The following IL31RA variants were observed in gnomAD, a reference collection of about 807,000 sequenced individuals.
IL31RA encodes interleukin-31 receptor subunit alpha.
Under a neutral mutation model 83.7 loss-of-function variants are expected in IL31RA, and 66 were observed. That is an observed-to-expected ratio of 0.79 (90% CI 0.65 to 0.97). The LOEUF is 0.97. Among genes scored for constraint, IL31RA ranks in the 50% least tolerant of loss-of-function variants. The pLI, the probability that IL31RA is intolerant of heterozygous loss-of-function variation, is 0.00. For synonymous variants in IL31RA, 325 were observed against 329.0 expected (o/e 0.99, Z 0.13); for missense variants, 798 against 919.4 (o/e 0.87, Z 1.71).
At chr5:55,854,506 A>G (rs1227635231) in intron 1 of IL31RA, among the ~76,000 whole-genome samples, 1 of 152,178 alleles carries the variant, frequency 6.6e-6, no homozygotes, top group East Asian at 1.9e-4. Context: ...CCACTTTGGG[A>G]GGTCGAGGCA....
At chr5:55,853,383 G>A in intron 1 of IL31RA, 1 of 1,374,716 alleles carries the variant, frequency 7.3e-7, no homozygotes, top group Admixed American at 2.9e-5. Flanking sequence ...ACTTGGGCTG[G>A]GCTTAAAAGC....
chr5:55,882,854 TG>T (rs1393969966), intron 4 of IL31RA, among the ~76,000 whole-genome samples, 189 bp from the exon 5 acceptor site: 1 of 152,124 alleles, frequency 6.6e-6, no homozygotes, highest in Non-Finnish European at 1.5e-5. Context: ...CTTCTCTCAC[TG>T]GGTATTCCTT....
chr5:55,908,709 C>A (rs896476740), intron 11 of IL31RA: 22 of 1,459,022 alleles, frequency 1.5e-5, no homozygotes, highest in Admixed American at 1.3e-4. Flanking sequence ...CCCCGACCAT[C>A]ATTCCCAGGA....
At chr5:55,847,583 C>T (rs895663422), upstream of IL31RA, among the ~76,000 whole-genome samples, 2 of 151,936 alleles carry the variant, frequency 1.3e-5, no homozygotes, top group African/African-American at 4.8e-5. Context: ...CTCTGTCCCC[C>T]GCCAAAAAAA....
At chr5:55,897,613 T>C (rs1465793588) in intron 7 of IL31RA, among the ~76,000 whole-genome samples, 1 of 152,060 alleles carries the variant, frequency 6.6e-6, no homozygotes, top group African/African-American at 2.4e-5. Context: ...ACATGGTCCT[T>C]CCTAGGGCGG....
chr5:55,862,236 T>G lies in IL31RA; in HGVS notation c.154+2637T>G, dbSNP rs1353871307. Among the ~76,000 whole-genome samples the G allele has an allele frequency of 2.0e-5, 3 of 152,362 alleles. No homozygotes were observed. The South Asian group carries it at 6.2e-4, about 32-fold the overall frequency. On this transcript the variant is annotated intron_variant, in intron 2 of 14. Coordinates refer to ENST00000652347, the MANE Select transcript of IL31RA (RefSeq NM_139017.7). ...TTATAGAAAAACTGTGAAAATAGCA[T>G]AGAGAGTTCCTTTCTACCCTCATCC...
intron 3 of IL31RA, among the ~76,000 whole-genome samples, chr5:55,871,101 T>C (rs1283499833): frequency 6.6e-6 from 1 of 152,244 alleles, no homozygotes; most frequent in Non-Finnish European, 1.5e-5. Context: ...TATTACTGTC[T>C]TCATTTTACA....
intron 4 of IL31RA, among the ~76,000 whole-genome samples, chr5:55,876,343 T>C (rs978521594): frequency 2.6e-5 from 4 of 152,106 alleles, no homozygotes; most frequent in Non-Finnish European, 5.9e-5. Context: ...GAAGCAGAGG[T>C]TGCAGTGAGC....
Position 55,922,062 on chromosome 5 carries a change from G to C in IL31RA, c.*4942G>C. ...GCACTCTTATGTTGTGGCGGGGGGG[G>C]GGGGCGGTTCCTGAAGAGTGGAGTG... is the stretch of plus-strand genomic sequence containing the variant. On this transcript the variant is annotated 3_prime_UTR_variant, in exon 15 of 15. Coordinates refer to ENST00000652347, the MANE Select transcript of IL31RA (RefSeq NM_139017.7). 6.7e-6 allele frequency among the ~76,000 whole-genome samples: 1 copy of C among 148,270 alleles called. No individual in the cohort carries two copies. Among genetic ancestry groups the C allele is most frequent in the Non-Finnish European group, 1.5e-5 (1 of 66,910 alleles).
intron 5 of IL31RA, among the ~76,000 whole-genome samples, chr5:55,888,556 A>G (rs1020375852): frequency 3.9e-5 from 6 of 152,248 alleles, no homozygotes; most frequent in Middle Eastern, 3.2e-3. Context: ...CATGACAAGT[A>G]AAATAGAGGT....
the IL31RA span, among the ~76,000 whole-genome samples, chr5:55,841,137 CTT>C: frequency 3.3e-5 from 5 of 152,206 alleles, no homozygotes; most frequent in Non-Finnish European, 7.3e-5. Context: ...GACACTCTGT[CTT>C]TATCATTCTC....
At chr5:55,847,260 T>G (rs1319048293), upstream of IL31RA, among the ~76,000 whole-genome samples, 1 of 132,382 alleles carries the variant, frequency 7.6e-6, no homozygotes, top group African/African-American at 2.8e-5. Context: ...AATAAATAAA[T>G]AAATAAATAA....
chr5:55,853,574 G>T, intron 1 of IL31RA: 1 of 1,550,010 alleles, frequency 6.5e-7, no homozygotes, highest in Non-Finnish European at 8.7e-7. Flanking sequence ...GAAGGTGAGT[G>T]CTAATTCATT....
At chr5:55,846,854 A>G (rs576424334), upstream of IL31RA, among the ~76,000 whole-genome samples, 74 of 152,316 alleles carry the variant, frequency 4.9e-4, no homozygotes, top group Non-Finnish European at 9.0e-4. Context: ...CACTAATACC[A>G]GTACTCTGGG....
the IL31RA span, chr5:55,839,980 G>A: frequency 3.3e-6 from 2 of 603,614 alleles, no homozygotes; most frequent in South Asian, 3.5e-5. Context: ...GGCAAGCCGT[G>A]GACCTTCAAC....
chr5:55,887,052 A>G (rs1279831930), intron 5 of IL31RA, among the ~76,000 whole-genome samples: 1 of 152,234 alleles, frequency 6.6e-6, no homozygotes, highest in Non-Finnish European at 1.5e-5. Context: ...CTCAATAAAT[A>G]TTTGTTTAAA....
chr5:55,883,134 C>T lies in IL31RA; in HGVS notation c.545C>T (p.Ala182Val), dbSNP rs780594680. The T allele has an allele frequency of 1.7e-5, 28 of 1,613,792 alleles. No individual in the cohort carries two copies. The highest frequency in any genetic ancestry group is 1.6e-4 in the Middle Eastern group (1 of 6,084). Residue 182 changes from alanine (A) to valine (V), a missense_variant, in exon 5 of 15, where the codon GCG becomes GTG. Ala to Val is a moderately conservative substitution (Grantham distance 64). Coordinates refer to ENST00000652347, the MANE Select transcript of IL31RA (RefSeq NM_139017.7). ...IQIEWIKPEL[A>V]PVSSDLKYTL... ...ATTGAATGGATAAAGCCTGAGTTGG[C>T]GCCTGTTTCATCTGATTTAAAATAC...
chr5:55,892,985 G>A (rs1748102425), intron 6 of IL31RA, among the ~76,000 whole-genome samples: 1 of 152,130 alleles, frequency 6.6e-6, no homozygotes, highest in Admixed American at 6.5e-5. Context: ...AATTTATAAA[G>A]CGTGTGTTTT....
In IL31RA at chr5:55,896,213, C is replaced by G. The variant is rs551857079; in HGVS notation, c.773-137C>G. 2.0e-5 allele frequency: 14 copies of G among 717,168 alleles called. No homozygotes were observed. The Admixed American group carries it at 2.0e-4, about 10-fold the overall frequency. 44.4% of individuals were successfully genotyped at this position (717,168 alleles called of 1,614,324 possible). On this transcript the variant is annotated intron_variant, in intron 6 of 14. Transcript: ENST00000652347. The stretch of plus-strand genomic sequence containing the variant: ...GAAGACATCTTTGGTCATTGCAAAG[C>G]TGCCATCCCTCCACTCCTCACCTTA...
Sources: gnomAD v4.1 joint callset for allele counts (sites outside exome capture counted in the v4.1 genomes callset) on GRCh38, gnomAD v4.1.1 for gene constraint, MANE v1.5 for transcripts, NCBI Gene and HGNC (gene_info 2026-07-23, HGNC 2026-07-21) for gene names.